NMD3: variants seen among roughly 807,000 people sequenced by gnomAD.
The protein encoded by NMD3 is 60S ribosomal export protein NMD3.
NMD3 carries 47 observed loss-of-function variants against 73.1 expected under a neutral mutation model. That is an observed-to-expected ratio of 0.64 (90% CI 0.51 to 0.82). The LOEUF is 0.82. Ranked by LOEUF, NMD3 falls within the 40% of genes least tolerant of loss-of-function variation. NMD3 has a pLI of 0.00. For synonymous variants in NMD3, 210 were observed against 194.5 expected, an observed-to-expected ratio of 1.08 and a Z score of -0.66; for missense variants, 554 against 612.5, an observed-to-expected ratio of 0.90 and a Z score of 1.01.
intron 4 of NMD3, among the ~76,000 whole-genome samples, chr3:161,231,830 T>C (rs771166592): frequency 2.6e-5 from 4 of 152,162 alleles, no homozygotes; most frequent in Non-Finnish European, 5.9e-5. Context: ...TTAATGAATG[T>C]TGAGCTCCGG....
At chr3:161,242,033 T>C (rs1335866803) in intron 10 of NMD3, among the ~76,000 whole-genome samples, 2 of 152,084 alleles carry the variant, frequency 1.3e-5, no homozygotes. Flanking sequence ...AAAAGTGAGT[T>C]TATTTTGATA....
rs1013800845 is a variant in NMD3 at position 161,235,333 on chromosome 3, A to T, written c.577+121A>T. Reference sequence around the variant, plus strand: ...CTGTCCAAAAGAACTTTCTGTTAGGAAAAAAAAAAAAAACAACTTAATTCT... The same window carrying T: ...CTGTCCAAAAGAACTTTCTGTTAGGTAAAAAAAAAAAAACAACTTAATTCT... On this transcript the variant is annotated intron_variant, in intron 7 of 15. Coordinates refer to ENST00000351193, the MANE Select transcript of NMD3 (RefSeq NM_015938.5). The T allele has an allele frequency of 2.9e-4, 54 of 184,206 alleles. 1 individual carries two copies. Among genetic ancestry groups the T allele is most frequent in the Middle Eastern group, 2.8e-3 (2 of 712 alleles). The allele number at this position is 184,206 out of a possible 1,614,324, so 11.4% of individuals were successfully genotyped here.
chr3:161,222,008 A>G lies in NMD3; in HGVS notation c.-6A>G, dbSNP rs1324336560. The G allele has an allele frequency of 6.4e-7, 1 of 1,557,768 alleles. No individual in the cohort carries two copies. The highest frequency in any genetic ancestry group is 8.7e-7 in the Non-Finnish European group (1 of 1,145,064). ...TTTTTTAAAAGAACTTAAGGCATAC[A>G]GAACGATGGAGTATATGGCAGAATC... On this transcript the variant is annotated 5_prime_UTR_variant, in exon 2 of 16. Coordinates refer to ENST00000351193, the MANE Select transcript of NMD3 (RefSeq NM_015938.5).
At chr3:161,250,396 G>A (rs1367585737) in intron 15 of NMD3, 70 bp downstream of exon 15, 3 of 913,350 alleles carry the variant, frequency 3.3e-6, no homozygotes, top group East Asian at 5.2e-5. Context: ...GAATATTTTG[G>A]TATCTTAAGC....
intron 4 of NMD3, 92 bp downstream of exon 4, chr3:161,227,435 G>A: frequency 1.8e-6 from 1 of 556,350 alleles, no homozygotes; most frequent in Non-Finnish European, 3.1e-6. Flanking sequence ...TTTTCAAAAG[G>A]AATTTTTTTT....
chr3:161,232,586 C>T (rs1736583462), intron 4 of NMD3, among the ~76,000 whole-genome samples: 1 of 152,202 alleles, frequency 6.6e-6, no homozygotes, highest in Admixed American at 6.5e-5. Flanking sequence ...TAAGCAAATA[C>T]TTGAGCATCA....
At chr3:161,222,238 A>G (rs904170618) in intron 2 of NMD3, among the ~76,000 whole-genome samples, 181 bp downstream of exon 2, 1 of 152,194 alleles carries the variant, frequency 6.6e-6, no homozygotes, top group Non-Finnish European at 1.5e-5. Flanking sequence ...AGCTTGTTCT[A>G]GTAAATATAA....
chr3:161,238,244 G>T, intron 8 of NMD3, 53 bp downstream of exon 8: 2 of 1,062,106 alleles, frequency 1.9e-6, no homozygotes, highest in Non-Finnish European at 2.8e-6. Flanking sequence ...GAATGGATGC[G>T]GATCACATAT....
intron 3 of NMD3, 58 bp from the exon 4 acceptor site, chr3:161,227,189 G>A: frequency 9.3e-7 from 1 of 1,070,814 alleles, no homozygotes. Context: ...GTATTCAGAT[G>A]GAAATTTCTG....
At chr3:161,221,164 GACT>G (rs1736049928), upstream of NMD3, 1 of 152,194 alleles carries the variant, frequency 6.6e-6, no homozygotes, top group Admixed American at 6.5e-5. Flanking sequence ...GAGCCCCTGG[GACT>G]TCTCTCCGCG....
At chr3:161,247,421 A>G (rs960580181) in intron 13 of NMD3, 91 bp downstream of exon 13, 2 of 690,588 alleles carry the variant, frequency 2.9e-6, no homozygotes, top group African/African-American at 3.6e-5. Context: ...ACTTTTGAAA[A>G]TAACAAATCA....
chr3:161,246,121 A>G (rs374281722), intron 11 of NMD3, among the ~76,000 whole-genome samples: 21 of 152,310 alleles, frequency 1.4e-4, no homozygotes, highest in East Asian at 5.8e-4. Context: ...GAAAAAGTCA[A>G]TGATTTATTT....
At chr3:161,234,664 T>C in intron 5 of NMD3, 63 bp from the exon 6 acceptor site, 1 of 1,418,834 alleles carries the variant, frequency 7.0e-7, no homozygotes, top group Non-Finnish European at 9.7e-7. Flanking sequence ...AGGTTCTTCT[T>C]TAAAGAAAAT....
chr3:161,237,391 CCTATT>C (rs1736796386), intron 7 of NMD3, among the ~76,000 whole-genome samples: 1 of 151,882 alleles, frequency 6.6e-6, no homozygotes, highest in South Asian at 2.1e-4. Flanking sequence ...TTGAGAGAGT[CCTATT>C]CTAGTCCTTC....
chr3:161,246,615 G>C (rs1737218022), intron 12 of NMD3, among the ~76,000 whole-genome samples, 167 bp downstream of exon 12: 1 of 152,128 alleles, frequency 6.6e-6, no homozygotes, highest in Non-Finnish European at 1.5e-5. Flanking sequence ...AACTGGGTTG[G>C]ACAGAAGCCC....
upstream of NMD3, chr3:161,221,241 G>C (rs945566068): frequency 6.6e-6 from 1 of 152,204 alleles, no homozygotes; most frequent in Non-Finnish European, 1.5e-5. Context: ...CCCTTTCCTC[G>C]TCCCCACCCC....
rs1737517077 is a variant in NMD3, at chr3:161,252,230, T to A, written c.*1320T>A. 1 of 152,214 alleles carries A rather than the reference T, an allele frequency of 6.6e-6. No homozygotes were observed. The highest frequency in any genetic ancestry group is 3.2e-3 in the Middle Eastern group (1 of 316). The allele number at this position is 152,214 out of a possible 1,614,324, so 9.4% of individuals were successfully genotyped here. ...CCAAAGCAAGTTCTCATTGGTGGTC[T>A]GTGTTTACATCTTCCGTGTCAAGAT... is the stretch of plus-strand genomic sequence containing the variant. On this transcript the variant is annotated 3_prime_UTR_variant, in exon 16 of 16. Transcript: ENST00000351193.
At chr3:161,230,203 A>C (rs951197195) in intron 4 of NMD3, among the ~76,000 whole-genome samples, 14 of 152,014 alleles carry the variant, frequency 9.2e-5, no homozygotes, top group Non-Finnish European at 1.3e-4. Flanking sequence ...GGCTCAGGTG[A>C]TCCTTCTGCC....
intron 9 of NMD3, among the ~76,000 whole-genome samples, chr3:161,239,118 A>G (rs577935735): frequency 6.6e-6 from 1 of 152,328 alleles, no homozygotes; most frequent in African/African-American, 2.4e-5. Context: ...ATGAGCCTGT[A>G]TCATATAGTT....
Sources: allele counts gnomAD v4.1 joint callset (sites outside exome capture counted in the v4.1 genomes callset), GRCh38; gene constraint gnomAD v4.1.1; transcripts MANE v1.5; gene names NCBI Gene and HGNC (gene_info 2026-07-23, HGNC 2026-07-21).